Variants in RANBP2 observed in about 807,000 individuals in gnomAD.
RANBP2 encodes the protein RAN binding protein 2, also known as E3 SUMO-protein ligase RanBP2.
A neutral mutation model predicts 303.6 loss-of-function variants in RANBP2; 57 were observed. The observed-to-expected ratio is 0.19, with a 90% CI of 0.15 to 0.23. The LOEUF is 0.23. RANBP2 is among the 10% of genes least tolerant of loss of function. The pLI, the probability that RANBP2 is intolerant of heterozygous loss-of-function variation, is 1.00. For missense variants in RANBP2, 3,138 were observed against 3,780.8 expected (o/e 0.83, Z 4.46); for synonymous variants, 1,167 against 1,301.5 (o/e 0.90, Z 2.23).
chr2:109,653,869 A>G, the RANBP2 span, among the ~76,000 whole-genome samples: 20 of 152,186 alleles, frequency 1.3e-4, no homozygotes, highest in Admixed American at 3.3e-4. Flanking sequence ...GCTCATCTCC[A>G]GAATCTTATT....
At chr2:109,727,768 C>T in the RANBP2 span, among the ~76,000 whole-genome samples, 1 of 152,180 alleles carries the variant, frequency 6.6e-6, no homozygotes, top group Non-Finnish European at 1.5e-5. Context: ...AATCCAGATG[C>T]CTGCTTACCC....
chr2:109,098,110 C>G, the RANBP2 span, among the ~76,000 whole-genome samples: 1 of 152,190 alleles, frequency 6.6e-6, no homozygotes, highest in African/African-American at 2.4e-5. Flanking sequence ...AGGACTCTAT[C>G]ACAGTTGTGT....
At chr2:108,942,523 C>T in the RANBP2 span, among the ~76,000 whole-genome samples, 5 of 152,230 alleles carry the variant, frequency 3.3e-5, no homozygotes, top group Non-Finnish European at 7.3e-5. Context: ...TGAACCACGG[C>T]GACGGCAGGG....
At chr2:109,730,228 C>T in the RANBP2 span, among the ~76,000 whole-genome samples, 2 of 152,160 alleles carry the variant, frequency 1.3e-5, no homozygotes, top group Non-Finnish European at 2.9e-5. Context: ...GAGAAAGAGA[C>T]ACCTTATTGT....
At chr2:109,108,613 G>C in the RANBP2 span, among the ~76,000 whole-genome samples, 1 of 152,176 alleles carries the variant, frequency 6.6e-6, no homozygotes, top group Non-Finnish European at 1.5e-5. Flanking sequence ...GTGTGCTCAC[G>C]TTTCTCTTGT....
the RANBP2 span, among the ~76,000 whole-genome samples, chr2:109,093,416 A>AAAG: frequency 9.2e-5 from 14 of 151,402 alleles, no homozygotes. Context: ...TAAAAAAAAA[A>AAAG]AAAAAAAAAG....
At chr2:108,941,983 G>A in the RANBP2 span, among the ~76,000 whole-genome samples, 2 of 152,238 alleles carry the variant, frequency 1.3e-5, no homozygotes, top group Admixed American at 1.3e-4. Context: ...GGCTGGGGAA[G>A]GTGGCTGCCT....
In RANBP2 at chr2:108,767,132, G is replaced by C; in HGVS notation, c.6593G>C (p.Gly2198Ala). 2 of 1,611,960 alleles carry C rather than the reference G, an allele frequency of 1.2e-6. No individual in the cohort carries two copies. The highest frequency in any genetic ancestry group is 1.7e-5 in the Admixed American group (1 of 59,996). The change falls in exon 20 of 29, where the codon GGT becomes GCT. Residue 2198 changes from glycine (G) to alanine (A), a missense_variant. By Grantham distance (60) the Gly-to-Ala change is moderately conservative. Transcript: ENST00000283195. Reference protein sequence around the residue: ...QTKVTEEENKGSGTGAAGASD... With the variant: ...QTKVTEEENKASGTGAAGASD... ...AAAGTCACTGAGGAAGAAAATAAGG[G>C]TTCAGGTACAGGTGCGGCCGGTGCC...
At chr2:109,273,306 CAG>C in the RANBP2 span, among the ~76,000 whole-genome samples, 1 of 152,196 alleles carries the variant, frequency 6.6e-6, no homozygotes, top group African/African-American at 2.4e-5. Context: ...GCCCTGGAGG[CAG>C]AGTCTTCCTG....
chr2:108,720,189 C>T (rs13003049), intron 1 of RANBP2: 20 of 982,044 alleles, frequency 2.0e-5, no homozygotes, highest in South Asian at 9.5e-5. Context: ...CATCTCAGCG[C>T]GGACATTTGC....
the RANBP2 span, among the ~76,000 whole-genome samples, chr2:109,336,005 A>G: frequency 6.6e-6 from 1 of 152,206 alleles, no homozygotes; most frequent in East Asian, 1.9e-4. Flanking sequence ...GGGCTGATTT[A>G]AGTGACTGGC....
chr2:109,187,948 C>A, the RANBP2 span, among the ~76,000 whole-genome samples: 1 of 152,190 alleles, frequency 6.6e-6, no homozygotes, highest in Non-Finnish European at 1.5e-5. Context: ...CTCAGAGCAG[C>A]CCGTCTTTGG....
the RANBP2 span, among the ~76,000 whole-genome samples, chr2:109,469,540 G>A: frequency 6.6e-6 from 1 of 152,092 alleles, no homozygotes; most frequent in Non-Finnish European, 1.5e-5. Context: ...AACTTAGGCT[G>A]CCTAGAAAAT....
At chr2:109,490,589 TTG>T in the RANBP2 span, 7 of 1,416,640 alleles carry the variant, frequency 4.9e-6, no homozygotes, top group Non-Finnish European at 6.5e-6. Flanking sequence ...GGTTTCCATC[TTG>T]TGTGTCTCCC....
At chr2:109,360,237 A>G in the RANBP2 span, among the ~76,000 whole-genome samples, 2 of 152,172 alleles carry the variant, frequency 1.3e-5, no homozygotes, top group Non-Finnish European at 1.5e-5. Flanking sequence ...TTTTCACTGT[A>G]TTAATAATAT....
At chr2:109,430,619 G>A in the RANBP2 span, among the ~76,000 whole-genome samples, 1 of 152,006 alleles carries the variant, frequency 6.6e-6, no homozygotes, top group African/African-American at 2.4e-5. Flanking sequence ...ACACAGGTAC[G>A]TGTTGGCTGC....
At chr2:108,814,618 TTC>T in the RANBP2 span, among the ~76,000 whole-genome samples, 2 of 151,692 alleles carry the variant, frequency 1.3e-5, no homozygotes, top group Non-Finnish European at 2.9e-5. Flanking sequence ...GCTTTTATAT[TTC>T]TCTGTCTTTG....
chr2:109,592,641 G>A, the RANBP2 span, among the ~76,000 whole-genome samples: 6 of 151,156 alleles, frequency 4.0e-5, no homozygotes, highest in East Asian at 5.9e-4. Flanking sequence ...TTAGCCGGAC[G>A]TGGTGGTGGT....
the RANBP2 span, among the ~76,000 whole-genome samples, chr2:109,010,090 T>A: frequency 2.0e-4 from 30 of 152,318 alleles, no homozygotes; most frequent in African/African-American, 7.0e-4. Flanking sequence ...TTAAAAAAAA[T>A]TTTATGTATA....
Sources: allele counts gnomAD v4.1 joint callset (sites outside exome capture counted in the v4.1 genomes callset), GRCh38; gene constraint gnomAD v4.1.1; transcripts MANE v1.5; gene names NCBI Gene and HGNC (gene_info 2026-07-23, HGNC 2026-07-21).